Variants in VPS8 observed in about 807,000 individuals in gnomAD.
VPS8 encodes the protein VPS8 subunit of CORVET complex.
In VPS8, 129 loss-of-function variants were observed where a neutral mutation model predicts 216.4. The observed-to-expected ratio is 0.60, with a 90% confidence interval of 0.52 to 0.69. The LOEUF is 0.69. Ranked by LOEUF, VPS8 falls within the 30% of genes least tolerant of loss-of-function variation. The pLI is 0.00. For synonymous variants in VPS8, 571 were observed against 565.4 expected, an observed-to-expected ratio of 1.01 and a Z score of -0.14; for missense variants, 1,531 against 1,683.5, an observed-to-expected ratio of 0.91 and a Z score of 1.59.
chr3:184,865,803 C>T (rs867716854), intron 16 of VPS8, among the ~76,000 whole-genome samples: 2 of 152,086 alleles, frequency 1.3e-5, no homozygotes, highest in East Asian at 1.9e-4. Flanking sequence ...GCCTGGCCAA[C>T]GTAGTGAAAC....
At chr3:184,912,552 T>C (rs561359810) in intron 25 of VPS8, among the ~76,000 whole-genome samples, 21 of 152,330 alleles carry the variant, frequency 1.4e-4, no homozygotes, top group African/African-American at 4.6e-4. Context: ...TTTGGGATTC[T>C]GAGACTTTAT....
rs1324151343 is a variant in VPS8 at position 184,962,761 on chromosome 3, G to GTGTGTGTGTT, written c.3184-1702_3184-1701insGTGTTTGTGT. 7.6e-3 allele frequency among the ~76,000 whole-genome samples: 707 copies of GTGTGTGTGTT among 93,116 alleles called. 6 individuals are homozygous for GTGTGTGTGTT. Among genetic ancestry groups the GTGTGTGTGTT allele is most frequent in the African/African-American group, 0.021 (657 of 30,790 alleles). 61.1% of individuals were successfully genotyped at this position (93,116 alleles called of 152,430 possible). On this transcript the variant is annotated intron_variant, in intron 37 of 47. Coordinates refer to ENST00000625842, the MANE Select transcript of VPS8 (RefSeq NM_001009921.3). The stretch of plus-strand genomic sequence containing the variant: ...TGTGTGTGTGTGTGTGTGTGTGTGT[G>GTGTGTGTGTT]TGTGTCTTATTTCCTTTCCTATTTT...
intron 21 of VPS8, among the ~76,000 whole-genome samples, chr3:184,879,138 G>A (rs1345464416): frequency 1.3e-5 from 2 of 152,246 alleles, no homozygotes; most frequent in East Asian, 3.9e-4. Context: ...TTCACAGATG[G>A]TAAGATAGTC....
At chr3:185,042,696 G>A (rs982824122) in intron 46 of VPS8, among the ~76,000 whole-genome samples, 11 of 152,120 alleles carry the variant, frequency 7.2e-5, no homozygotes, top group South Asian at 2.1e-4. Context: ...TTCCAACCCT[G>A]TCAAGAAAAC....
intron 10 of VPS8, among the ~76,000 whole-genome samples, chr3:184,850,566 T>C (rs969762315): frequency 3.3e-5 from 5 of 152,206 alleles, no homozygotes; most frequent in African/African-American, 1.2e-4. Flanking sequence ...AAGATCCTAG[T>C]CTTGGCTTTC....
At chr3:184,955,577 T>C (rs4575881) in intron 36 of VPS8, among the ~76,000 whole-genome samples, 115,996 of 151,736 alleles carry the variant, frequency 0.76, 45,171 homozygotes, top group African/African-American at 0.85. Flanking sequence ...TGGTAGTGGT[T>C]CCCCGGGCCC....
chr3:185,000,165 C>T (rs1753207230), intron 45 of VPS8, among the ~76,000 whole-genome samples: 1 of 152,220 alleles, frequency 6.6e-6, no homozygotes, highest in Non-Finnish European at 1.5e-5. Context: ...AGAGTAACAG[C>T]TTAGCAAGTA....
At chr3:184,918,325 A>AT (rs1453785508) in intron 28 of VPS8, among the ~76,000 whole-genome samples, 1 of 152,082 alleles carries the variant, frequency 6.6e-6, no homozygotes, top group Non-Finnish European at 1.5e-5. Flanking sequence ...CTACAAAAAT[A>AT]TTTTTTTATG....
At chr3:184,820,804 T>C (rs1371699253) in intron 1 of VPS8, among the ~76,000 whole-genome samples, 2 of 152,196 alleles carry the variant, frequency 1.3e-5, no homozygotes, top group African/African-American at 2.4e-5. Flanking sequence ...CTAATGTTGA[T>C]GTTAAAAAAA....
chr3:184,940,565 T>C (rs907363935), intron 36 of VPS8, among the ~76,000 whole-genome samples: 2 of 152,210 alleles, frequency 1.3e-5, no homozygotes, highest in Non-Finnish European at 2.9e-5. Context: ...TGTTTCACTC[T>C]TGCCTACTCC....
intron 34 of VPS8, among the ~76,000 whole-genome samples, chr3:184,931,040 A>T (rs1272061710): frequency 6.6e-6 from 1 of 152,198 alleles, no homozygotes; most frequent in Non-Finnish European, 1.5e-5. Context: ...TTTACAGAGG[A>T]TGCAAGTATT....
At chr3:184,843,376 ATTAGT>A in intron 8 of VPS8, 131 bp downstream of exon 8, 3 of 552,794 alleles carry the variant, frequency 5.4e-6, no homozygotes, top group Non-Finnish European at 8.4e-6. Flanking sequence ...TAATTGAAAA[ATTAGT>A]TAAGTGGGAA....
At chr3:184,814,647 G>A (rs188057556) in intron 1 of VPS8, among the ~76,000 whole-genome samples, 27 of 152,332 alleles carry the variant, frequency 1.8e-4, no homozygotes, top group South Asian at 1.5e-3. Context: ...GTGAACCTGT[G>A]TGGGGCACTT....
intron 7 of VPS8, among the ~76,000 whole-genome samples, 176 bp from the exon 8 acceptor site, chr3:184,843,064 G>A (rs1371849335): frequency 6.6e-6 from 1 of 151,932 alleles, no homozygotes; most frequent in Non-Finnish European, 1.5e-5. Context: ...ACCCATAGCT[G>A]AGCATAATCA....
At chr3:184,944,041 G>GCA (rs57639626) in intron 36 of VPS8, among the ~76,000 whole-genome samples, 14,047 of 149,900 alleles carry the variant, frequency 0.094, 750 homozygotes, top group African/African-American at 0.15. Flanking sequence ...GGCAGAGGTT[G>GCA]CACACACACA....
Position 184,957,462 on chromosome 3 carries a change from A to G in VPS8, c.3124A>G (p.Thr1042Ala). The stretch of plus-strand genomic sequence containing the variant: ...TGAGCTGTTGTGTCAGTTCAACCCA[A>G]CCCAAGTTATAGAGACTCTGCAAGT... ...FIELLCQFNP[T>A]QVIETLQVLE... Residue 1042 changes from threonine to alanine, a missense_variant, in exon 37 of 48, where the codon ACC becomes GCC. Coordinates refer to ENST00000625842, the MANE Select transcript of VPS8 (RefSeq NM_001009921.3). 1 of 1,612,698 alleles carries G rather than the reference A, an allele frequency of 6.2e-7. No individual in the cohort carries two copies. The highest frequency in any genetic ancestry group is 8.5e-7 in the Non-Finnish European group (1 of 1,179,356).
intron 20 of VPS8, among the ~76,000 whole-genome samples, chr3:184,869,767 G>A (rs561905236): frequency 2.9e-4 from 44 of 152,238 alleles, no homozygotes; most frequent in African/African-American, 1.1e-3. Flanking sequence ...GTGTGCACCT[G>A]TAGTCCTAGC....
rs1727692615 is a variant in VPS8, at chr3:184,868,067, C to T, written c.1506+8C>T. ...CTGAGGAGCTGGAGAGAGGTGAGTTCCAAGTAATTTCACATGTCAGAGTTA... is the reference window on the plus strand; with the variant it reads ...CTGAGGAGCTGGAGAGAGGTGAGTTTCAAGTAATTTCACATGTCAGAGTTA... On this transcript the variant is annotated splice_region_variant and intron_variant, in intron 18 of 47. Coordinates refer to ENST00000625842, the MANE Select transcript of VPS8 (RefSeq NM_001009921.3). 6.2e-7 allele frequency: 1 copy of T among 1,612,402 alleles called. No homozygotes were observed. Among genetic ancestry groups the T allele is most frequent in the Non-Finnish European group, 8.5e-7 (1 of 1,179,490 alleles).
intron 40 of VPS8, among the ~76,000 whole-genome samples, chr3:184,979,077 G>A (rs1413655965): frequency 6.6e-6 from 1 of 151,684 alleles, no homozygotes; most frequent in African/African-American, 2.4e-5. Context: ...TCATCCAGTA[G>A]GGTTGTTTAA....
Sources: allele counts gnomAD v4.1 joint callset (sites outside exome capture counted in the v4.1 genomes callset), GRCh38; gene constraint gnomAD v4.1.1; transcripts MANE v1.5; gene names NCBI Gene and HGNC (gene_info 2026-07-23, HGNC 2026-07-21).